Variants in CDC40 observed in about 807,000 individuals in gnomAD.
The protein encoded by CDC40 is cell division cycle 40.
Under a neutral mutation model 80.6 loss-of-function variants are expected in CDC40, and 27 were observed. The observed-to-expected ratio is 0.33, with a 90% confidence interval of 0.25 to 0.46. The LOEUF (loss-of-function observed/expected upper bound fraction) is 0.46, where lower values mean the gene tolerates loss of function less well. CDC40 is among the 20% of genes least tolerant of loss of function. The pLI, the probability that CDC40 is intolerant of heterozygous loss-of-function variation, is 1.00. For synonymous variants in CDC40, 221 were observed against 232.6 expected (o/e 0.95, Z 0.45); for missense variants, 486 against 694.1 (o/e 0.70, Z 3.37).
chr6:110,220,165 T>G (rs1306614314), intron 12 of CDC40, among the ~76,000 whole-genome samples: 1 of 152,170 alleles, frequency 6.6e-6, no homozygotes, highest in Non-Finnish European at 1.5e-5. Context: ...ATTAGGTACC[T>G]TATTCATCTC....
chr6:110,184,385 TG>T (rs1478345942), intron 1 of CDC40, among the ~76,000 whole-genome samples: 1 of 151,678 alleles, frequency 6.6e-6, no homozygotes, highest in Non-Finnish European at 1.5e-5. Context: ...TTTTTAGTTT[TG>T]TTTTTTTTTT....
chr6:110,210,005 A>G (rs1777614804), intron 5 of CDC40, among the ~76,000 whole-genome samples: 1 of 152,178 alleles, frequency 6.6e-6, no homozygotes, highest in African/African-American at 2.4e-5. Flanking sequence ...TATCACTTAT[A>G]TCCTTAGGAG....
chr6:110,214,034 G>T (rs910123426), intron 8 of CDC40, among the ~76,000 whole-genome samples: 1 of 152,036 alleles, frequency 6.6e-6, no homozygotes, highest in Non-Finnish European at 1.5e-5. Context: ...TTGAAAAGTT[G>T]AGTCATTAAA....
In CDC40 at chr6:110,187,680, G is replaced by A. The variant is rs142453747; in HGVS notation, c.190-5502G>A. On this transcript the variant is annotated intron_variant, in intron 1 of 14. Coordinates refer to ENST00000307731, the MANE Select transcript of CDC40 (RefSeq NM_015891.3). ...TGATCTGCTTTACAGTTTACATGGTGTTTTTATGTCTCTTTTCTTATTTGG... is the reference window on the plus strand; with the variant it reads ...TGATCTGCTTTACAGTTTACATGGTATTTTTATGTCTCTTTTCTTATTTGG... Among the ~76,000 whole-genome samples the A allele has an allele frequency of 1.8e-3, 275 of 152,252 alleles. 2 individuals carry two copies. The highest frequency in any genetic ancestry group is 6.4e-3 in the African/African-American group (266 of 41,550).
In CDC40 at chr6:110,201,643, A is replaced by G. The variant is rs548036861; in HGVS notation, c.362A>G (p.Asn121Ser). The change falls in exon 3 of 15, where the codon AAT becomes AGT. Residue 121 changes from asparagine (N) to serine (S), a missense_variant. By Grantham distance (46) the Asn-to-Ser change is conservative. This residue lies in a region of CDC40 where 381 missense variants were observed against 492.1 expected (regional missense o/e 0.77). Transcript: ENST00000307731. ...LSGYAEPAHI[N>S]DFMFEQQRRT... ...GGATATGCCGAACCAGCTCATATCA[A>G]TGATTTCATGTTTGAGCAGCAAAGG... 6.2e-7 allele frequency: 1 copy of G among 1,613,390 alleles called. No individual in the cohort carries two copies. Among genetic ancestry groups the G allele is most frequent in the South Asian group, 1.1e-5 (1 of 91,026 alleles).
intron 1 of CDC40, among the ~76,000 whole-genome samples, chr6:110,185,703 T>G (rs1418333755): frequency 6.6e-6 from 1 of 152,170 alleles, no homozygotes; most frequent in Non-Finnish European, 1.5e-5. Context: ...AGCTAGAAAC[T>G]AACCACAAAA....
chr6:110,221,751 T>C (rs1195355913), intron 12 of CDC40, among the ~76,000 whole-genome samples: 1 of 152,192 alleles, frequency 6.6e-6, no homozygotes, highest in Non-Finnish European at 1.5e-5. Context: ...TTGGTAAATA[T>C]TTAAATAATT....
intron 2 of CDC40, 25 bp from the exon 3 acceptor site, chr6:110,201,533 T>C (rs1259042159): frequency 6.5e-7 from 1 of 1,546,920 alleles, no homozygotes; most frequent in African/African-American, 1.4e-5. Context: ...TATTTTATTT[T>C]ATTTTTTTTC....
intron 10 of CDC40, among the ~76,000 whole-genome samples, chr6:110,218,689 A>G (rs2114668774): frequency 6.6e-6 from 1 of 152,298 alleles, no homozygotes; most frequent in South Asian, 2.1e-4. Context: ...TATTTATATA[A>G]TTGGTATGGC....
intron 9 of CDC40, among the ~76,000 whole-genome samples, chr6:110,217,181 A>G (rs1168145170): frequency 6.6e-6 from 1 of 152,216 alleles, no homozygotes; most frequent in East Asian, 1.9e-4. Flanking sequence ...AGTTTCTATG[A>G]AATTTGGTAA....
In CDC40 at chr6:110,180,469, G is replaced by A. The variant is rs1777163838; in HGVS notation, c.25G>A (p.Ala9Thr). The part of the protein sequence containing the change: MSAAIAAL[A>T]ASYGSGSGSE... ...CATGTCGGCTGCGATTGCAGCTCTG[G>A]CCGCTTCCTATGGTTCGGGTTCAGG... Residue 9 changes from alanine (A) to threonine (T), a missense_variant, in exon 1 of 15, where the codon GCC (alanine) becomes ACC (threonine). This residue lies in a region of CDC40 where 381 missense variants were observed against 492.1 expected (regional missense o/e 0.77). Coordinates refer to ENST00000307731, the MANE Select transcript of CDC40 (RefSeq NM_015891.3). 3 of 1,614,174 alleles carry A rather than the reference G, an allele frequency of 1.9e-6. No homozygotes were observed. The East Asian group carries it at 6.7e-5, about 36-fold the overall frequency.
chr6:110,180,752 T>G, intron 1 of CDC40, 119 bp downstream of exon 1: 1 of 703,770 alleles, frequency 1.4e-6, no homozygotes, highest in Admixed American at 2.8e-5. Flanking sequence ...GTTGCTAACG[T>G]TTGAATTTCT....
intron 1 of CDC40, 92 bp from the exon 2 acceptor site, chr6:110,193,090 A>T (rs77753735): frequency 0.055 from 39,430 of 723,408 alleles, 1,523 homozygotes; most frequent in African/African-American, 0.14. Context: ...CATAAAATAG[A>T]TGTTAAAGAT....
At chr6:110,212,400 C>T in intron 7 of CDC40, 128 bp downstream of exon 7, 2 of 881,958 alleles carry the variant, frequency 2.3e-6, no homozygotes, top group Non-Finnish European at 3.5e-6. Flanking sequence ...TGAATGTAAG[C>T]CTGAGTTATG....
intron 9 of CDC40, among the ~76,000 whole-genome samples, chr6:110,217,071 C>T (rs766471200): frequency 1.3e-5 from 2 of 152,066 alleles, no homozygotes; most frequent in Non-Finnish European, 2.9e-5. Context: ...CCAGCCACTG[C>T]ACTTCAGGCT....
chr6:110,220,005 G>A, intron 12 of CDC40, 136 bp downstream of exon 12: 1 of 790,422 alleles, frequency 1.3e-6, no homozygotes, highest in South Asian at 2.0e-5. Context: ...CAATCAAACT[G>A]TTTTAACTAT....
rs1223682460 is a variant in CDC40, at chr6:110,215,269, T to C, written c.943-17T>C. On this transcript the variant is annotated splice_polypyrimidine_tract_variant and intron_variant, in intron 8 of 14. Coordinates refer to ENST00000307731, the MANE Select transcript of CDC40 (RefSeq NM_015891.3). ...TTAAATGTAATATTTCCATGTGTTG[T>C]TTTTTTTCTCCCCCAGCTATGGGAG... The C allele has an allele frequency of 2.5e-6, 4 of 1,602,176 alleles. No individual in the cohort carries two copies. The African/African-American group carries it at 4.0e-5, about 16-fold the overall frequency.
chr6:110,199,072 C>T (rs150703144), intron 2 of CDC40: 2 of 152,310 alleles, frequency 1.3e-5, no homozygotes, highest in Non-Finnish European at 2.9e-5. Context: ...ATGAATCCTC[C>T]TCCCACTGAT....
chr6:110,184,434 T>C (rs1304743314), intron 1 of CDC40, among the ~76,000 whole-genome samples: 1 of 151,826 alleles, frequency 6.6e-6, no homozygotes, highest in African/African-American at 2.4e-5. Context: ...ATCAAAATCT[T>C]GTACAGTTTT....
Sources: gnomAD v4.1 joint callset for allele counts (sites outside exome capture counted in the v4.1 genomes callset) on GRCh38, gnomAD v4.1.1 for gene constraint, gnomAD v4.1.1 regional missense constraint, MANE v1.5 for transcripts, NCBI Gene and HGNC (gene_info 2026-07-23, HGNC 2026-07-21) for gene names.